Variants in MTMR8 observed in about 807,000 individuals in gnomAD.
MTMR8 encodes myotubularin related protein 8, also known as phosphatidylinositol-3,5-bisphosphate 3-phosphatase MTMR8.
Under a neutral mutation model 39.3 loss-of-function variants are expected in MTMR8, and 65 were observed. That is an observed-to-expected ratio of 1.65 (90% CI 1.35 to 2.03). The LOEUF (loss-of-function observed/expected upper bound fraction) is 2.03. Among genes scored for constraint, MTMR8 ranks in the 30% most tolerant of loss-of-function variants. The pLI is 0.00. For synonymous variants in MTMR8, 245 were observed against 185.2 expected, an observed-to-expected ratio of 1.32 and a Z score of -2.62; for missense variants, 777 against 538.9, an observed-to-expected ratio of 1.44 and a Z score of -4.37.
Position 64,273,478 on chromosome X carries a change from T to TAAAC in MTMR8, c.1482-2409_1482-2406dup, listed in dbSNP as rs759940579. Among the ~76,000 whole-genome samples the TAAAC allele has an allele frequency of 1.3e-4, 13 of 99,116 alleles. No homozygotes were observed. In the South Asian group the frequency reaches 2.6e-3, roughly 20 times the overall value. The allele number at this position is 99,116 out of a possible 115,157, so 86.1% of individuals were successfully genotyped here. A position where few individuals can be genotyped will look rare whatever the true frequency, so the allele number is the denominator to read the frequency against. On this transcript the variant is annotated intron_variant, in intron 12 of 13. Transcript: ENST00000374852. Reference sequence around the variant, plus strand: ...AATCAAAGCATACTAATATAAAAACTAAACAAACAAACAAACAAAAAAAAC... The same window carrying TAAAC: ...AATCAAAGCATACTAATATAAAAACTAAACAAACAAACAAACAAACAAAAAAAAC...
rs748806662 is a variant in MTMR8, at chrX:64,336,119, C to T, written c.1111G>A (p.Glu371Lys). The stretch of plus-strand genomic sequence containing the variant: ...TGGCCCATGGATATCCATTCCTTCT[C>T]TATCAAGATCTTCATTTTATAGAAA... ...RTFKGLMILIEKEWISMGHKF... is the reference protein window; with the variant it reads ...RTFKGLMILIKKEWISMGHKF... The change falls in exon 10 of 14, where the codon GAG (glutamate) becomes AAG (lysine). Residue 371 changes from glutamate (E) to lysine (K), a missense_variant. Physicochemically the swap from Glu to Lys is moderately conservative, Grantham distance 56. Transcript: ENST00000374852. 3.4e-5 allele frequency: 40 copies of T among 1,182,628 alleles called. No homozygotes were observed. The highest frequency in any genetic ancestry group is 4.2e-5 in the Non-Finnish European group (37 of 878,114).
intron 12 of MTMR8, among the ~76,000 whole-genome samples, chrX:64,292,022 C>T (rs949983290): frequency 8.9e-6 from 1 of 111,738 alleles, no homozygotes; most frequent in African/African-American, 3.3e-5. Flanking sequence ...TGGGTTACCC[C>T]AGATCCCATA....
At chrX:64,297,677 A>G (rs1921667284) in intron 12 of MTMR8, among the ~76,000 whole-genome samples, 1 of 100,587 alleles carries the variant, frequency 9.9e-6, no homozygotes. Context: ...CCTGAATGGT[A>G]ATGCCTAGGT....
intron 1 of MTMR8, among the ~76,000 whole-genome samples, chrX:64,377,956 A>T (rs1213848930): frequency 9.0e-6 from 1 of 111,391 alleles, no homozygotes; most frequent in Non-Finnish European, 1.9e-5. Flanking sequence ...TCATTGTTTA[A>T]AAGTGTGTAG....
chrX:64,298,334 C>T (rs1198321822), intron 12 of MTMR8, among the ~76,000 whole-genome samples: 2 of 97,201 alleles, frequency 2.1e-5, no homozygotes, highest in Non-Finnish European at 4.0e-5. Context: ...ATTTTATTCT[C>T]TTTGAAGCAA....
Position 64,268,464 on chromosome X carries a change from G to A in MTMR8, c.*73C>T. The A allele has an allele frequency of 8.8e-7, 1 of 1,131,178 alleles. No homozygotes were observed. The highest frequency in any genetic ancestry group is 1.2e-6 in the Non-Finnish European group (1 of 850,840). The allele number at this position is 1,131,178 out of a possible 1,213,427, so 93.2% of individuals were successfully genotyped here. ...CCCACTTAAACCAATTGGAAAAGCAGCATAGCCCTCTCTGGGACAAGAATC... is the reference window on the plus strand; with the variant it reads ...CCCACTTAAACCAATTGGAAAAGCAACATAGCCCTCTCTGGGACAAGAATC... On this transcript the variant is annotated 3_prime_UTR_variant, in exon 14 of 14. Coordinates refer to ENST00000374852, the MANE Select transcript of MTMR8 (RefSeq NM_017677.4).
chrX:64,351,961 C>T (rs1923497832), intron 4 of MTMR8, among the ~76,000 whole-genome samples: 1 of 111,177 alleles, frequency 9.0e-6, no homozygotes, highest in Non-Finnish European at 1.9e-5. Context: ...CTCACAGACA[C>T]ACCCAGAAAC....
chrX:64,299,698 C>A (rs1275430144), intron 12 of MTMR8, among the ~76,000 whole-genome samples: 1 of 98,394 alleles, frequency 1.0e-5, no homozygotes. Context: ...ATCTTTCCTG[C>A]TTTCTCTTGT....
intron 1 of MTMR8, among the ~76,000 whole-genome samples, chrX:64,367,032 C>T (rs1011266660): frequency 1.6e-4 from 18 of 111,849 alleles, no homozygotes; most frequent in African/African-American, 5.9e-4. Flanking sequence ...TTCCTGGGCA[C>T]ATACACCCTC....
At chrX:64,357,520 G>A (rs1317552996) in intron 2 of MTMR8, among the ~76,000 whole-genome samples, 1 of 111,130 alleles carries the variant, frequency 9.0e-6, no homozygotes, top group African/African-American at 3.3e-5. Context: ...AACCTCCTGG[G>A]TTCAAAGGAG....
Position 64,269,034 on chromosome X carries a change from C to T in MTMR8, c.1618G>A (p.Val540Ile). The T allele has an allele frequency of 2.5e-6, 3 of 1,206,707 alleles. No homozygotes were observed. Among genetic ancestry groups the T allele is most frequent in the Non-Finnish European group, 2.2e-6 (2 of 893,245 alleles). Residue 540 changes from valine to isoleucine, a missense_variant, in exon 14 of 14, where the codon GTC becomes ATC. Coordinates refer to ENST00000374852, the MANE Select transcript of MTMR8 (RefSeq NM_017677.4). ...ATCTCTTCTGGTGGCTCATCACGGA[C>T]TTTTAGTTTCTGCCTCAGGAGCAAG... The part of the protein sequence containing the change: ...DVHELEKKLK[V>I]RDEPPEEICT...
At chrX:64,372,981 C>A (rs1003844836) in intron 1 of MTMR8, among the ~76,000 whole-genome samples, 66 of 111,510 alleles carry the variant, frequency 5.9e-4, no homozygotes, top group Non-Finnish European at 2.4e-4. Context: ...CCCAATAACA[C>A]CAATCTAGGA....
At chrX:64,314,606 G>T (rs765294990) in intron 12 of MTMR8, among the ~76,000 whole-genome samples, 1 of 113,106 alleles carries the variant, frequency 8.8e-6, no homozygotes, top group East Asian at 2.8e-4. Context: ...GTACAGCAGC[G>T]GTGGAGGGTA....
intron 12 of MTMR8, among the ~76,000 whole-genome samples, chrX:64,300,928 G>A (rs1440267316): frequency 4.8e-4 from 53 of 110,376 alleles, no homozygotes; most frequent in African/African-American, 1.7e-3. Context: ...GGCTTGTAGG[G>A]TTTCTGCCGA....
At chrX:64,277,572 C>T (rs1296370155) in intron 12 of MTMR8, among the ~76,000 whole-genome samples, 2 of 112,088 alleles carry the variant, frequency 1.8e-5, no homozygotes, top group African/African-American at 3.2e-5. Context: ...TTGGCCCCCA[C>T]TCTCTTCTGG....
chrX:64,305,807 G>C (rs999109253), intron 12 of MTMR8: 8 of 357,439 alleles, frequency 2.2e-5, no homozygotes, highest in Admixed American at 6.6e-5. Context: ...GTGGCTCTTT[G>C]TGGTGACATA....
intron 1 of MTMR8, among the ~76,000 whole-genome samples, chrX:64,383,215 C>A (rs977530013): frequency 9.1e-6 from 1 of 110,450 alleles, no homozygotes; most frequent in Non-Finnish European, 1.9e-5. Flanking sequence ...TTTCCAATCC[C>A]AAGAAGTCTT....
chrX:64,299,742 C>A (rs1365394089), intron 12 of MTMR8, among the ~76,000 whole-genome samples: 1 of 101,273 alleles, frequency 9.9e-6, no homozygotes, highest in Non-Finnish European at 2.0e-5. Context: ...CCTCTACACA[C>A]TGCTTTGAAT....
At chrX:64,352,408 A>T (rs148028012) in intron 4 of MTMR8, among the ~76,000 whole-genome samples, 3 of 111,611 alleles carry the variant, frequency 2.7e-5, no homozygotes, top group Non-Finnish European at 5.7e-5. Flanking sequence ...ACCGAGTCCT[A>T]TGAATTTTCC....
Sources: gnomAD v4.1 joint callset for allele counts (sites outside exome capture counted in the v4.1 genomes callset) on GRCh38, gnomAD v4.1.1 for gene constraint, MANE v1.5 for transcripts, NCBI Gene and HGNC (gene_info 2026-07-23, HGNC 2026-07-21) for gene names.